FOXP1: variants seen among roughly 807,000 people sequenced by gnomAD.
FOXP1 encodes the protein forkhead box protein P1.
FOXP1 carries 15 observed loss-of-function variants against 98.2 expected under a neutral mutation model. That is an observed-to-expected ratio of 0.15 (90% CI 0.10 to 0.24). The LOEUF (loss-of-function observed/expected upper bound fraction) is 0.24. FOXP1 is among the 10% of genes least tolerant of loss of function. The pLI is 1.00. For missense variants in FOXP1, 633 were observed against 848.5 expected, an observed-to-expected ratio of 0.75 and a Z score of 3.15; for synonymous variants, 371 against 314.5, an observed-to-expected ratio of 1.18 and a Z score of -1.90.
chr3:71,297,856 C>G (rs2073473037), intron 5 of FOXP1, among the ~76,000 whole-genome samples: 1 of 152,042 alleles, frequency 6.6e-6, no homozygotes, highest in Non-Finnish European at 1.5e-5. Flanking sequence ...ATCCACTCGC[C>G]TCAGCCTCCC....
intron 5 of FOXP1, among the ~76,000 whole-genome samples, chr3:71,258,044 G>A (rs2068783656): frequency 1.3e-5 from 2 of 152,102 alleles, no homozygotes; most frequent in South Asian, 4.1e-4. Context: ...AACATCCACG[G>A]AGCGCCTACG....
chr3:71,267,621 T>C (rs568867048), intron 5 of FOXP1, among the ~76,000 whole-genome samples: 4 of 152,222 alleles, frequency 2.6e-5, no homozygotes, highest in African/African-American at 9.6e-5. Context: ...ACACAACAGG[T>C]AAGGGTGGCA....
chr3:71,411,634 T>C (rs2082757107), intron 3 of FOXP1, among the ~76,000 whole-genome samples: 1 of 152,208 alleles, frequency 6.6e-6, no homozygotes, highest in Admixed American at 6.5e-5. Flanking sequence ...ATGGTCTTCA[T>C]ACCACATCTT....
intron 4 of FOXP1, among the ~76,000 whole-genome samples, chr3:71,324,873 T>C (rs1314286413): frequency 6.6e-6 from 1 of 152,064 alleles, no homozygotes; most frequent in African/African-American, 2.4e-5. Context: ...CAAAGGGCCA[T>C]GCTAATGAGC....
chr3:71,088,093 G>A, intron 7 of FOXP1, among the ~76,000 whole-genome samples: 1 of 152,228 alleles, frequency 6.6e-6, no homozygotes, highest in Non-Finnish European at 1.5e-5. Flanking sequence ...GTGCAGTGGT[G>A]AGAACCAAGA....
intron 6 of FOXP1, among the ~76,000 whole-genome samples, chr3:71,193,848 C>T (rs2063148250): frequency 6.6e-6 from 1 of 152,184 alleles, no homozygotes; most frequent in South Asian, 2.1e-4. Context: ...TCTTTGACCT[C>T]CTTCAATGGT....
chr3:71,118,833 T>C (rs1489748760), intron 6 of FOXP1, among the ~76,000 whole-genome samples: 1 of 152,232 alleles, frequency 6.6e-6, no homozygotes, highest in Non-Finnish European at 1.5e-5. Flanking sequence ...TTTATTTGAA[T>C]ACAGTTAAGC....
chr3:71,317,675 A>C (rs201067172), intron 4 of FOXP1, among the ~76,000 whole-genome samples: 1 of 98,498 alleles, frequency 1.0e-5, no homozygotes, highest in Non-Finnish European at 2.3e-5. Context: ...TTTTTTTTTT[A>C]ATTAATCTTC....
chr3:71,312,495 C>T (rs573641053), intron 4 of FOXP1, among the ~76,000 whole-genome samples: 1 of 152,300 alleles, frequency 6.6e-6, no homozygotes, highest in African/African-American at 2.4e-5. Context: ...AAATGCCTCT[C>T]CTTCCCTGCT....
intron 6 of FOXP1, among the ~76,000 whole-genome samples, chr3:71,139,705 G>T (rs141670696): frequency 3.1e-4 from 47 of 152,256 alleles, no homozygotes; most frequent in African/African-American, 1.1e-3. Flanking sequence ...GCCAGGGCAG[G>T]AGAGTCCTCA....
chr3:71,423,522 A>T (rs1560464628), intron 3 of FOXP1, among the ~76,000 whole-genome samples: 1 of 152,234 alleles, frequency 6.6e-6, no homozygotes, highest in African/African-American at 2.4e-5. Context: ...GGATTAGACC[A>T]GCTTCTCCTC....
intron 2 of FOXP1, among the ~76,000 whole-genome samples, chr3:71,565,594 T>A (rs765970622): frequency 6.6e-6 from 1 of 152,196 alleles, no homozygotes; most frequent in Non-Finnish European, 1.5e-5. Context: ...AGCTTATACT[T>A]GGTATAGTAC....
At chr3:71,077,583 G>T (rs914907270) in intron 7 of FOXP1, among the ~76,000 whole-genome samples, 4 of 152,082 alleles carry the variant, frequency 2.6e-5, no homozygotes, top group Non-Finnish European at 4.4e-5. Flanking sequence ...TAAATTTGGG[G>T]TGTTCCCACT....
At chr3:70,994,831 G>A (rs1010145911) in intron 13 of FOXP1, among the ~76,000 whole-genome samples, 5 of 152,130 alleles carry the variant, frequency 3.3e-5, no homozygotes, top group Non-Finnish European at 7.4e-5. Context: ...GGGGTTGTAG[G>A]GAGCCTGTCC....
intron 5 of FOXP1, among the ~76,000 whole-genome samples, chr3:71,285,148 C>G (rs1322294084): frequency 6.6e-6 from 1 of 152,156 alleles, no homozygotes; most frequent in African/African-American, 2.4e-5. Context: ...CCAGGTAGAA[C>G]AAGACCTCAG....
chr3:71,433,891 G>A (rs73119185), intron 3 of FOXP1, among the ~76,000 whole-genome samples: 3,371 of 152,298 alleles, frequency 0.022, 45 homozygotes, highest in Non-Finnish European at 0.035. Context: ...AGCTTAGATC[G>A]CATCAGCCAC....
chr3:71,377,842 A>G (rs2079837075), intron 3 of FOXP1, among the ~76,000 whole-genome samples: 1 of 152,228 alleles, frequency 6.6e-6, no homozygotes, highest in South Asian at 2.1e-4. Context: ...AATGCTATGC[A>G]CAAATGCTTC....
At chr3:71,403,116 G>T (rs1455743382) in intron 3 of FOXP1, among the ~76,000 whole-genome samples, 1 of 152,142 alleles carries the variant, frequency 6.6e-6, no homozygotes, top group African/African-American at 2.4e-5. Flanking sequence ...TTTCTTTCTG[G>T]TAGAAATATC....
At chr3:71,570,247 C>T (rs1467329184) in intron 2 of FOXP1, 1 of 151,868 alleles carries the variant, frequency 6.6e-6, no homozygotes, top group African/African-American at 2.4e-5. Flanking sequence ...GGTAAAGAAA[C>T]ACTTTGTTTC....
Sources: gnomAD v4.1 joint callset for allele counts (sites outside exome capture counted in the v4.1 genomes callset) on GRCh38, gnomAD v4.1.1 for gene constraint, MANE v1.5 for transcripts, NCBI Gene and HGNC (gene_info 2026-07-23, HGNC 2026-07-21) for gene names.